Variants in USP10 observed in about 807,000 individuals in gnomAD.
The protein encoded by USP10 is ubiquitin specific peptidase 10.
In USP10, 22 loss-of-function variants were observed where a neutral mutation model predicts 84.5. The ratio of observed to expected loss-of-function variants is 0.26; its 90% CI spans 0.19 to 0.37. USP10 has a LOEUF of 0.37. Among genes scored for constraint, USP10 ranks in the 10% least tolerant of loss-of-function variants. The pLI, the probability that USP10 is intolerant of heterozygous loss-of-function variation, is 1.00. For synonymous variants in USP10, 454 were observed against 387.6 expected, an observed-to-expected ratio of 1.17 and a Z score of -2.01; for missense variants, 1,019 against 998.9, an observed-to-expected ratio of 1.02 and a Z score of -0.27.
At chr16:84,704,118 C>A (rs1017804463) in intron 1 of USP10, among the ~76,000 whole-genome samples, 5 of 152,202 alleles carry the variant, frequency 3.3e-5, no homozygotes, top group African/African-American at 1.2e-4. Flanking sequence ...AAAGTGGTAT[C>A]ATCTCCAATT....
chr16:84,717,509 T>C (rs992711788), intron 1 of USP10, among the ~76,000 whole-genome samples: 1 of 152,218 alleles, frequency 6.6e-6, no homozygotes, highest in African/African-American at 2.4e-5. Flanking sequence ...TTTTATGTCA[T>C]TGGTGCTCAA....
chr16:84,737,353 C>G (rs545724256), intron 2 of USP10, among the ~76,000 whole-genome samples: 33 of 152,276 alleles, frequency 2.2e-4, no homozygotes, highest in Admixed American at 9.2e-4. Context: ...GATTTTTGAA[C>G]TTTGTATTCT....
chr16:84,715,501 G>C (rs535252669), intron 1 of USP10, among the ~76,000 whole-genome samples: 26 of 152,334 alleles, frequency 1.7e-4, no homozygotes, highest in African/African-American at 6.3e-4. Context: ...CTCCCAAAGT[G>C]CTGGGATTAC....
chr16:84,775,371 A>G, intron 13 of USP10, 146 bp downstream of exon 13: 1 of 720,464 alleles, frequency 1.4e-6, no homozygotes. Context: ...GAGTCACGTG[A>G]GAGTTTTACC....
intron 1 of USP10, among the ~76,000 whole-genome samples, chr16:84,716,794 A>G (rs1907076805): frequency 6.6e-6 from 1 of 152,200 alleles, no homozygotes; most frequent in South Asian, 2.1e-4. Flanking sequence ...ACCTTTATAT[A>G]CACCTTACAA....
chr16:84,756,089 C>A (rs1274454977), intron 4 of USP10, among the ~76,000 whole-genome samples: 1 of 130,174 alleles, frequency 7.7e-6, no homozygotes, highest in African/African-American at 2.8e-5. Flanking sequence ...TCCTTCCCCA[C>A]CCCCCGCCCC....
At chr16:84,729,579 C>T (rs1416450793) in intron 1 of USP10, among the ~76,000 whole-genome samples, 4 of 152,322 alleles carry the variant, frequency 2.6e-5, no homozygotes, top group Admixed American at 1.3e-4. Flanking sequence ...TCAAGTTCCC[C>T]GGGAGGCTGA....
intron 2 of USP10, among the ~76,000 whole-genome samples, chr16:84,736,828 G>T (rs1258062486): frequency 5.3e-5 from 8 of 152,112 alleles, no homozygotes; most frequent in Non-Finnish European, 1.0e-4. Context: ...TCGCTCTCTC[G>T]CCCAGGCTGG....
intron 13 of USP10, among the ~76,000 whole-genome samples, chr16:84,777,399 G>A (rs1915131274): frequency 6.6e-6 from 1 of 152,232 alleles, no homozygotes; most frequent in Non-Finnish European, 1.5e-5. Flanking sequence ...TTAGGTCTGT[G>A]AGGTGAAGAT....
intron 1 of USP10, among the ~76,000 whole-genome samples, chr16:84,711,142 G>C (rs538664133): frequency 6.6e-6 from 1 of 152,276 alleles, no homozygotes; most frequent in Non-Finnish European, 1.5e-5. Flanking sequence ...ATTTCAGTTT[G>C]GCTTGGCATT....
At chr16:84,759,759 G>C in intron 6 of USP10, 132 bp from the exon 7 acceptor site, 1 of 916,122 alleles carries the variant, frequency 1.1e-6, no homozygotes, top group Non-Finnish European at 1.7e-6. Flanking sequence ...GAGTTCACTA[G>C]CTGTTACAGC....
At chr16:84,701,815 C>T (rs544704348) in intron 1 of USP10, among the ~76,000 whole-genome samples, 21 of 151,958 alleles carry the variant, frequency 1.4e-4, no homozygotes, top group African/African-American at 4.8e-4. Flanking sequence ...CAAAAGTTGG[C>T]GGAACGTAAA....
chr16:84,704,680 A>T (rs1905254346), intron 1 of USP10: 1 of 1,465,432 alleles, frequency 6.8e-7, no homozygotes, highest in East Asian at 2.5e-5. Context: ...ATAAACCTCG[A>T]TGTAGAATCT....
At chr16:84,769,670 T>G (rs1400408199) in intron 11 of USP10, among the ~76,000 whole-genome samples, 2 of 152,178 alleles carry the variant, frequency 1.3e-5, no homozygotes, top group East Asian at 1.9e-4. Context: ...TGCACTCTGC[T>G]TATGCTGTTT....
At position 84,775,083 on chromosome 16, in the gene USP10, G is replaced by A. The variant is rs564960435; in HGVS notation, c.2144-77G>A. On this transcript the variant is annotated intron_variant, in intron 12 of 13. Transcript: ENST00000219473. ...AGGCAGTTTACTTGCTGGGGAGAAT[G>A]TTGTTAGCCATTTTCTGCTGCTGTT... is the stretch of plus-strand genomic sequence containing the variant. 4 of 1,281,284 alleles carry A rather than the reference G, an allele frequency of 3.1e-6. No individual in the cohort carries two copies. The South Asian group carries it at 3.6e-5, about 11-fold the overall frequency. The allele number at this position is 1,281,284 out of a possible 1,614,324, so 79.4% of individuals were successfully genotyped here. A position where few individuals can be genotyped will look rare whatever the true frequency, so the allele number is the denominator to read the frequency against.
At chr16:84,773,610 T>C (rs143933624) in intron 12 of USP10, among the ~76,000 whole-genome samples, 240 of 152,362 alleles carry the variant, frequency 1.6e-3, no homozygotes, top group African/African-American at 5.2e-3. Context: ...GCTTGGCTGC[T>C]GTGCCGGGTT....
At chr16:84,758,348 GAC>G (rs1321632676) in intron 4 of USP10, among the ~76,000 whole-genome samples, 17 of 152,252 alleles carry the variant, frequency 1.1e-4, no homozygotes, top group Admixed American at 1.1e-3. Context: ...CTGCTGATGA[GAC>G]ACACCTGGCT....
chr16:84,764,010 TC>T, intron 9 of USP10, 75 bp from the exon 10 acceptor site: 1 of 1,476,086 alleles, frequency 6.8e-7, no homozygotes, highest in Non-Finnish European at 9.0e-7. Context: ...AAAACTGCAA[TC>T]GACAGATCTG....
rs1462007130 is a variant in USP10 at position 84,760,247 on chromosome 16, C to G, written c.1526C>G (p.Thr509Arg). Reference sequence around the variant, plus strand: ...CCCACATATATTTACAGACTCCTGACAGTTAACAAGTCAAGCCTGTCTGAA... The same window carrying G: ...CCCACATATATTTACAGACTCCTGAGAGTTAACAAGTCAAGCCTGTCTGAA... Reference protein sequence around the residue: ...FEPTYIYRLLTVNKSSLSEKG... With the variant: ...FEPTYIYRLLRVNKSSLSEKG... Residue 509 changes from threonine to arginine, a missense_variant, in exon 8 of 14, where the codon ACA becomes AGA. Thr to Arg is a moderately conservative substitution (Grantham distance 71, BLOSUM62 -1). Around this residue, in one of 2 missense-constraint regions of USP10, gnomAD observed 787 missense variants for 708.8 expected, o/e 1.11. Coordinates refer to ENST00000219473, the MANE Select transcript of USP10 (RefSeq NM_005153.3). The G allele has an allele frequency of 1.7e-5, 28 of 1,609,552 alleles. No individual in the cohort carries two copies. The highest frequency in any genetic ancestry group is 3.4e-5 in the Admixed American group (2 of 59,430).
Sources: allele counts gnomAD v4.1 joint callset (sites outside exome capture counted in the v4.1 genomes callset), GRCh38; gene constraint gnomAD v4.1.1; regional missense constraint gnomAD v4.1.1; transcripts MANE v1.5; gene names NCBI Gene and HGNC (gene_info 2026-07-23, HGNC 2026-07-21).